The following PSG11 variants were observed in gnomAD, a reference collection of about 807,000 sequenced individuals.
PSG11 encodes pregnancy-specific beta-1-glycoprotein 11.
Under a neutral mutation model 36.0 loss-of-function variants are expected in PSG11, and 42 were observed. The observed-to-expected ratio is 1.17, with a 90% confidence interval of 0.91 to 1.51. The LOEUF is 1.51. Among genes scored for constraint, PSG11 ranks in the 40% most tolerant of loss-of-function variants. The pLI, the probability that PSG11 is intolerant of heterozygous loss-of-function variation, is 0.00. For synonymous variants in PSG11, 206 were observed against 153.5 expected (o/e 1.34, Z -2.53); for missense variants, 558 against 403.5 (o/e 1.38, Z -3.28).
chr19:43,022,260 C>A (rs150934134), intron 2 of PSG11, among the ~76,000 whole-genome samples: 1 of 151,330 alleles, frequency 6.6e-6, no homozygotes, highest in Non-Finnish European at 1.5e-5. Context: ...TATTGTAGAA[C>A]GTGAGATTGG....
At chr19:43,024,609 G>A (rs1334673033) in intron 2 of PSG11, 82 bp downstream of exon 2, 4 of 1,603,460 alleles carry the variant, frequency 2.5e-6, no homozygotes, top group Non-Finnish European at 3.4e-6. Flanking sequence ...CACAGGCAAT[G>A]TCCAGGCCTG....
chr19:43,010,076 G>C (rs376971557), intron 4 of PSG11, 35 bp from the exon 5 acceptor site: 1 of 1,597,002 alleles, frequency 6.3e-7, no homozygotes, highest in East Asian at 2.2e-5. Flanking sequence ...AGGAATGAAG[G>C]TGATGTTATT....
intron 4 of PSG11, chr19:43,014,154 A>T: frequency 5.0e-6 from 1 of 199,742 alleles, no homozygotes; most frequent in Non-Finnish European, 8.9e-6. Context: ...ACAGAGGTTT[A>T]ATATGGTAAG....
chr19:43,009,852 T>G lies in PSG11; in HGVS notation c.*40+106A>C, dbSNP rs3950838. On this transcript the variant is annotated intron_variant, in intron 5 of 5. Transcript: ENST00000320078. ...GTGCTGAGAAGCAGGAGTTAGTGGA[T>G]GAAGGAGGAGATCCAGGCCCAGATA... The G allele has an allele frequency of 1.6e-4, 136 of 867,198 alleles. 1 individual carries two copies. The highest frequency in any genetic ancestry group is 1.9e-4 in the Non-Finnish European group (102 of 530,522). 53.7% of individuals were successfully genotyped at this position (867,198 alleles called of 1,614,324 possible).
chr19:43,016,161 C>T, intron 3 of PSG11: 2 of 1,441,206 alleles, frequency 1.4e-6, no homozygotes, highest in Admixed American at 4.4e-5. Flanking sequence ...CCTTGAAAGC[C>T]AATAGCTGGT....
intron 5 of PSG11, among the ~76,000 whole-genome samples, chr19:43,008,711 C>G (rs1156508534): frequency 1.3e-5 from 2 of 151,144 alleles, no homozygotes. Flanking sequence ...GCTTCTGTTT[C>G]TCAAGAGGAT....
Position 43,015,121 on chromosome 19 carries a change from A to G in PSG11, c.959T>C (p.Val320Ala). 1 of 1,611,812 alleles carries G rather than the reference A, an allele frequency of 6.2e-7. No individual in the cohort carries two copies. Among genetic ancestry groups the G allele is most frequent in the South Asian group, 1.1e-5 (1 of 90,808 alleles). The change falls in exon 4 of 6, where the codon GTC (valine) becomes GCC (alanine). Residue 320 changes from valine (V) to alanine (A), a missense_variant. Transcript: ENST00000320078. Reference sequence around the variant, plus strand: ...GGATGCTGGGATCCACTTACCAATGACTCTGATTGTCAAGGATGTGGAGCT... The same window carrying G: ...GGATGCTGGGATCCACTTACCAATGGCTCTGATTGTCAAGGATGTGGAGCT... ...EESSTSLTIR[V>A]IAPPGLGTFA...
Position 43,007,766 on chromosome 19 carries a change from A to T in PSG11, c.*317T>A, listed in dbSNP as rs1291357171. On this transcript the variant is annotated 3_prime_UTR_variant, in exon 6 of 6. Transcript: ENST00000320078. ...GCAAATGTTTCAATTTTTGTTTACAAAAGTATACTTTACCAATTGCTGAAG... is the reference window on the plus strand; with the variant it reads ...GCAAATGTTTCAATTTTTGTTTACATAAGTATACTTTACCAATTGCTGAAG... 8.0e-6 allele frequency: 2 copies of T among 250,484 alleles called. No individual in the cohort carries two copies. 15.5% of individuals were successfully genotyped at this position (250,484 alleles called of 1,614,324 possible).
Position 43,015,238 on chromosome 19 carries a change from A to T in PSG11, c.842T>A (p.Leu281Gln), listed in dbSNP as rs143552679. ...YSWTINGKFQ[L>Q]SGQKLFIPQI... Reference sequence around the variant, plus strand: ...AGGGATAAAGAGCTTTTGTCCTGATAGCTGAAACTTCCCATTAATTGTCCA... The same window carrying T: ...AGGGATAAAGAGCTTTTGTCCTGATTGCTGAAACTTCCCATTAATTGTCCA... Residue 281 changes from leucine to glutamine, a missense_variant, in exon 4 of 6, where the codon CTA (leucine) becomes CAA (glutamine). Coordinates refer to ENST00000320078, the MANE Select transcript of PSG11 (RefSeq NM_002785.3). 1.3e-5 allele frequency: 21 copies of T among 1,611,498 alleles called. No homozygotes were observed. Among genetic ancestry groups the T allele is most frequent in the African/African-American group, 5.4e-5 (4 of 74,386 alleles).
At position 43,024,728 on chromosome 19, in the gene PSG11, A is replaced by T. The variant is rs1328046599; in HGVS notation, c.393T>A (p.Thr131=). The T allele has an allele frequency of 3.7e-6, 6 of 1,611,568 alleles. No homozygotes were observed. Among genetic ancestry groups the T allele is most frequent in the Non-Finnish European group, 5.1e-6 (6 of 1,178,856 alleles). The change falls in exon 2 of 6, where the codon ACT becomes ACA. Residue 131 remains threonine, a synonymous_variant. Coordinates refer to ENST00000320078, the MANE Select transcript of PSG11 (RefSeq NM_002785.3). ...AGGTGAAATATCCAGTTACTCCTCT[A>T]GTCCCATCACCTCGCTTTATGATGT... The part of the protein sequence containing the change: ...TLHIIKRGDG[T]RGVTGYFTFT...
chr19:43,018,329 A>C, intron 3 of PSG11: 1 of 290,306 alleles, frequency 3.4e-6, no homozygotes, highest in Non-Finnish European at 6.7e-6. Flanking sequence ...CTGTATGGTA[A>C]TAGGTGTATG....
chr19:43,008,690 T>C (rs1163512696), intron 5 of PSG11, among the ~76,000 whole-genome samples: 1 of 151,438 alleles, frequency 6.6e-6, no homozygotes, highest in African/African-American at 2.4e-5. Context: ...ATAAGGTGGC[T>C]TTTCCATTCA....
At chr19:43,015,951 G>C (rs777826197) in intron 3 of PSG11, 1 of 1,610,142 alleles carries the variant, frequency 6.2e-7, no homozygotes, top group South Asian at 1.1e-5. Context: ...TGTAGGCATA[G>C]TTCTCACTCT....
intron 4 of PSG11, among the ~76,000 whole-genome samples, chr19:43,011,446 T>G (rs188208197): frequency 3.3e-5 from 5 of 151,280 alleles, no homozygotes; most frequent in Non-Finnish European, 5.9e-5. Context: ...GGATTAGAGT[T>G]GATATAAATA....
Position 43,016,194 on chromosome 19 carries a change from A to G in PSG11, c.710-824T>C, listed in dbSNP as rs1966962296. ...GGTGCGTGTGTCACAAGACAGATGC[A>G]TGATGATCTAAGGGCTCAAAGACTG... is the stretch of plus-strand genomic sequence containing the variant. On this transcript the variant is annotated intron_variant, in intron 3 of 5. Coordinates refer to ENST00000320078, the MANE Select transcript of PSG11 (RefSeq NM_002785.3). 19 of 1,348,606 alleles carry G rather than the reference A, an allele frequency of 1.4e-5. 1 individual carries two copies. The highest frequency in any genetic ancestry group is 1.9e-5 in the Non-Finnish European group (19 of 993,198). The allele number at this position is 1,348,606 out of a possible 1,614,324, so 83.5% of individuals were successfully genotyped here.
At chr19:43,015,780 G>A (rs529781048) in intron 3 of PSG11, 1 of 1,610,302 alleles carries the variant, frequency 6.2e-7, no homozygotes, top group South Asian at 1.1e-5. Flanking sequence ...GGACATTCAG[G>A]GTGACTGAGT....
At chr19:43,025,145 A>T in intron 1 of PSG11, 89 bp from the exon 2 acceptor site, 1 of 1,492,144 alleles carries the variant, frequency 6.7e-7, no homozygotes, top group South Asian at 1.3e-5. Context: ...GGTCTCTTCA[A>T]TCCTCAGCCT....
intron 3 of PSG11, chr19:43,015,622 G>C: frequency 6.8e-7 from 1 of 1,464,642 alleles, no homozygotes; most frequent in East Asian, 2.3e-5. Flanking sequence ...GTCTACCCAA[G>C]TTTTCCCAGG....
rs1402547694 is a variant in PSG11, at chr19:43,025,987, C to G, written c.64+322G>C. Among the ~76,000 whole-genome samples, 4 of 133,978 alleles carry G rather than the reference C, an allele frequency of 3.0e-5. No individual in the cohort carries two copies. The East Asian group carries it at 6.7e-4, about 22-fold the overall frequency. The allele number at this position is 133,978 out of a possible 152,430, so 87.9% of individuals were successfully genotyped here. A position where few individuals can be genotyped will look rare whatever the true frequency, so the allele number is the denominator to read the frequency against. On this transcript the variant is annotated intron_variant, in intron 1 of 5. Coordinates refer to ENST00000320078, the MANE Select transcript of PSG11 (RefSeq NM_002785.3). ...GATGGAGTCTCGTACTGTCACCCAG[C>G]CTGGCGTGCAGTGGCACTATCTCAG... is the stretch of plus-strand genomic sequence containing the variant.
Sources: allele counts gnomAD v4.1 joint callset (sites outside exome capture counted in the v4.1 genomes callset), GRCh38; gene constraint gnomAD v4.1.1; transcripts MANE v1.5; gene names NCBI Gene and HGNC (gene_info 2026-07-23, HGNC 2026-07-21).